The following CCDC73 variants were observed in gnomAD, a reference collection of about 807,000 sequenced individuals.
CCDC73 encodes the protein coiled-coil domain containing 73.
A neutral mutation model predicts 116.5 loss-of-function variants in CCDC73; 95 were observed. The observed-to-expected ratio is 0.82, with a 90% CI of 0.69 to 0.97. CCDC73 has a LOEUF of 0.97. Among genes scored for constraint, CCDC73 ranks in the 50% least tolerant of loss-of-function variants. The probability of loss-of-function intolerance (pLI) is 0.00; values close to 1 mark genes in which losing one functional copy is unlikely to be tolerated. For synonymous variants in CCDC73, 398 were observed against 401.3 expected, an observed-to-expected ratio of 0.99 and a Z score of 0.10; for missense variants, 1,066 against 1,206.8, an observed-to-expected ratio of 0.88 and a Z score of 1.73.
chr11:32,799,488 T>G (rs907202456), upstream of CCDC73, among the ~76,000 whole-genome samples: 3 of 151,820 alleles, frequency 2.0e-5, no homozygotes, highest in African/African-American at 4.8e-5. Flanking sequence ...AGCCTGTGGG[T>G]TTTTTTTAAT....
intron 12 of CCDC73, among the ~76,000 whole-genome samples, chr11:32,646,481 A>G (rs916252862): frequency 3.3e-5 from 5 of 152,194 alleles, no homozygotes; most frequent in African/African-American, 9.6e-5. Flanking sequence ...TTGTTTGGCT[A>G]AATACAATAC....
chr11:32,725,115 A>G (rs1348528401), intron 2 of CCDC73, among the ~76,000 whole-genome samples: 3 of 151,836 alleles, frequency 2.0e-5, no homozygotes, highest in Non-Finnish European at 2.9e-5. Flanking sequence ...AAGTAAGAAG[A>G]TGTCTTTTTT....
At chr11:32,638,039 A>T (rs11031911) in intron 13 of CCDC73, among the ~76,000 whole-genome samples, 39,554 of 151,996 alleles carry the variant, frequency 0.26, 5,614 homozygotes, top group South Asian at 0.35. Flanking sequence ...AGTTATACCA[A>T]CCTGAGACTA....
the CCDC73 span, among the ~76,000 whole-genome samples, chr11:32,817,013 G>T: frequency 6.6e-6 from 1 of 152,172 alleles, no homozygotes; most frequent in Non-Finnish European, 1.5e-5. Flanking sequence ...TCAAACTCCT[G>T]ACCTCAAGTG....
At chr11:32,814,369 A>C in the CCDC73 span, among the ~76,000 whole-genome samples, 2 of 152,210 alleles carry the variant, frequency 1.3e-5, no homozygotes, top group African/African-American at 4.8e-5. Flanking sequence ...GGATTCTTAA[A>C]ACACTGTGCA....
intron 6 of CCDC73, 42 bp from the exon 7 acceptor site, chr11:32,683,616 T>C (rs748700089): frequency 3.4e-6 from 4 of 1,176,906 alleles, no homozygotes; most frequent in Non-Finnish European, 5.0e-6. Context: ...AATACTTTAA[T>C]TATCTACACA....
At chr11:32,661,189 G>C (rs1855919221) in intron 9 of CCDC73, among the ~76,000 whole-genome samples, 1 of 152,188 alleles carries the variant, frequency 6.6e-6, no homozygotes, top group Non-Finnish European at 1.5e-5. Flanking sequence ...GTTCTGCAGA[G>C]TGAAGGAATA....
At chr11:32,754,477 G>C (rs1335693287) in intron 2 of CCDC73, among the ~76,000 whole-genome samples, 2 of 151,888 alleles carry the variant, frequency 1.3e-5, no homozygotes, top group Non-Finnish European at 2.9e-5. Context: ...AGAAAATAAG[G>C]GGCAATACTC....
intron 9 of CCDC73, among the ~76,000 whole-genome samples, chr11:32,672,908 G>T (rs1856052473): frequency 6.6e-6 from 1 of 152,144 alleles, no homozygotes; most frequent in South Asian, 2.1e-4. Flanking sequence ...TCAGGTATAA[G>T]AATGAAGTCC....
the CCDC73 span, among the ~76,000 whole-genome samples, chr11:32,821,646 A>T: frequency 6.6e-6 from 1 of 152,208 alleles, no homozygotes; most frequent in Non-Finnish European, 1.5e-5. Context: ...CTGAAAGAGA[A>T]CAAAAGAATC....
At chr11:32,725,118 T>C (rs1712731118) in intron 2 of CCDC73, among the ~76,000 whole-genome samples, 1 of 151,940 alleles carries the variant, frequency 6.6e-6, no homozygotes, top group Non-Finnish European at 1.5e-5. Flanking sequence ...TAAGAAGATG[T>C]CTTTTTTTTT....
intron 17 of CCDC73, among the ~76,000 whole-genome samples, chr11:32,610,017 C>T (rs1453342392): frequency 6.6e-6 from 1 of 151,326 alleles, no homozygotes; most frequent in Non-Finnish European, 1.5e-5. Flanking sequence ...TCTCGATCTC[C>T]TGACCTCATG....
intron 7 of CCDC73, chr11:32,680,310 A>G (rs977624993): frequency 1.3e-5 from 2 of 152,210 alleles, no homozygotes. Flanking sequence ...AGGCTATTTT[A>G]TTGAGATGAT....
intron 17 of CCDC73, 110 bp downstream of exon 17, chr11:32,611,021 AT>A: frequency 1.0e-6 from 1 of 991,480 alleles, no homozygotes; most frequent in Non-Finnish European, 1.5e-6. Flanking sequence ...CCCTCTTGAT[AT>A]TATTTTGGAG....
chr11:32,779,388 T>C (rs1850563161), intron 1 of CCDC73, among the ~76,000 whole-genome samples: 1 of 151,508 alleles, frequency 6.6e-6, no homozygotes, highest in African/African-American at 2.4e-5. Context: ...AAAAAGTAAA[T>C]GTATTGGCTT....
chr11:32,779,263 CAAAAA>C (rs34184527), intron 1 of CCDC73, among the ~76,000 whole-genome samples: 17 of 110,022 alleles, frequency 1.5e-4, no homozygotes, highest in East Asian at 2.5e-4. Flanking sequence ...TCATGTGGGG[CAAAAA>C]AAAAAAAAAA....
intron 12 of CCDC73, among the ~76,000 whole-genome samples, chr11:32,651,530 T>C (rs1855826178): frequency 1.3e-5 from 2 of 151,954 alleles, no homozygotes; most frequent in Admixed American, 6.6e-5. Flanking sequence ...AGGACGTAGG[T>C]CCCCAGAGGG....
At chr11:32,785,538 A>G (rs1001855437) in intron 1 of CCDC73, among the ~76,000 whole-genome samples, 1 of 152,032 alleles carries the variant, frequency 6.6e-6, no homozygotes, top group Non-Finnish European at 1.5e-5. Flanking sequence ...AGTAGCTGGG[A>G]CTGTAGGCAT....
chr11:32,814,283 G>A, the CCDC73 span, among the ~76,000 whole-genome samples: 1 of 152,172 alleles, frequency 6.6e-6, no homozygotes, highest in African/African-American at 2.4e-5. Flanking sequence ...ACATTGACGG[G>A]CCCTACTAAT....
Sources: allele counts gnomAD v4.1 joint callset (sites outside exome capture counted in the v4.1 genomes callset), GRCh38; gene constraint gnomAD v4.1.1; transcripts MANE v1.5; gene names NCBI Gene and HGNC (gene_info 2026-07-23, HGNC 2026-07-21).